The following SPATA16 variants were observed in gnomAD, a reference collection of about 807,000 sequenced individuals.
The protein encoded by SPATA16 is spermatogenesis-associated protein 16.
A neutral mutation model predicts 63.3 loss-of-function variants in SPATA16; 36 were observed. The observed-to-expected ratio is 0.57, with a 90% CI of 0.44 to 0.75. The LOEUF is 0.75. Ranked by LOEUF, SPATA16 falls within the 30% of genes least tolerant of loss-of-function variation. SPATA16 has a pLI of 0.00. For missense variants in SPATA16, 646 were observed against 679.3 expected, an observed-to-expected ratio of 0.95 and a Z score of 0.54; for synonymous variants, 203 against 216.7, an observed-to-expected ratio of 0.94 and a Z score of 0.56.
intron 2 of SPATA16, among the ~76,000 whole-genome samples, chr3:173,070,777 G>T (rs1736655876): frequency 1.3e-5 from 2 of 152,054 alleles, no homozygotes; most frequent in Admixed American, 1.3e-4. Context: ...TTTCTACAAT[G>T]AAAACTATAA....
At chr3:173,093,506 G>A (rs977457547) in intron 2 of SPATA16, among the ~76,000 whole-genome samples, 1 of 152,044 alleles carries the variant, frequency 6.6e-6, no homozygotes, top group South Asian at 2.1e-4. Flanking sequence ...CCAATGCCTG[G>A]CACAGAAGAG....
At chr3:173,096,582 T>C (rs1308603786) in intron 2 of SPATA16, among the ~76,000 whole-genome samples, 1 of 151,960 alleles carries the variant, frequency 6.6e-6, no homozygotes, top group East Asian at 1.9e-4. Context: ...CACTAACCAG[T>C]GTAGAATAAA....
intron 5 of SPATA16, among the ~76,000 whole-genome samples, chr3:172,965,873 G>T (rs1002797189): frequency 2.8e-4 from 43 of 152,258 alleles, no homozygotes; most frequent in African/African-American, 1.0e-3. Context: ...ACTGCGCCCG[G>T]CCTTTTCTTT....
chr3:172,894,214 A>G (rs1435950866), intron 10 of SPATA16, among the ~76,000 whole-genome samples: 1 of 152,188 alleles, frequency 6.6e-6, no homozygotes, highest in Non-Finnish European at 1.5e-5. Flanking sequence ...TTATCATCCA[A>G]AATGGTTTGA....
At chr3:172,931,689 A>G (rs974524201) in intron 6 of SPATA16, among the ~76,000 whole-genome samples, 1 of 152,264 alleles carries the variant, frequency 6.6e-6, no homozygotes, top group Non-Finnish European at 1.5e-5. Flanking sequence ...CAAAACTAAT[A>G]AAATATCTAG....
intron 2 of SPATA16, among the ~76,000 whole-genome samples, chr3:173,072,930 A>T (rs1014246072): frequency 6.6e-6 from 1 of 152,222 alleles, no homozygotes; most frequent in East Asian, 1.9e-4. Flanking sequence ...CAAAATGCTG[A>T]TAATGTTATG....
At chr3:173,120,488 G>T (rs538259982) in intron 1 of SPATA16, among the ~76,000 whole-genome samples, 2 of 152,022 alleles carry the variant, frequency 1.3e-5, no homozygotes, top group African/African-American at 2.4e-5. Flanking sequence ...TACCTCCCAG[G>T]TATCTTATCT....
intron 10 of SPATA16, among the ~76,000 whole-genome samples, chr3:172,908,356 G>A (rs1408025495): frequency 6.6e-6 from 1 of 152,010 alleles, no homozygotes; most frequent in Non-Finnish European, 1.5e-5. Context: ...TATTTGCATA[G>A]CTAAACCTAC....
intron 1 of SPATA16, 99 bp from the exon 2 acceptor site, chr3:173,117,848 A>G (rs958529280): frequency 4.1e-5 from 64 of 1,566,948 alleles, no homozygotes; most frequent in Non-Finnish European, 5.1e-5. Flanking sequence ...TTCATTCATT[A>G]TTAGTATTTG....
Position 172,947,421 on chromosome 3 carries a change from G to A in SPATA16, c.1081+9256C>T, listed in dbSNP as rs184196340. Among the ~76,000 whole-genome samples the A allele has an allele frequency of 3.0e-4, 39 of 129,412 alleles. 1 individual carries two copies. Among genetic ancestry groups the A allele is most frequent in the Admixed American group, 1.2e-3 (17 of 14,368 alleles). The allele number at this position is 129,412 out of a possible 152,430, so 84.9% of individuals were successfully genotyped here. The stretch of plus-strand genomic sequence containing the variant: ...GGAACCCACCTTGGATTTCCTTTAC[G>A]TAATGTATGCTCTGAGTACATGTGG... On this transcript the variant is annotated intron_variant, in intron 6 of 10. Transcript: ENST00000351008.
intron 2 of SPATA16, among the ~76,000 whole-genome samples, chr3:173,078,669 C>A (rs765087800): frequency 1.3e-5 from 2 of 152,168 alleles, no homozygotes; most frequent in Non-Finnish European, 2.9e-5. Context: ...GACTTCCCAA[C>A]CGTCACATTT....
chr3:173,064,756 AT>A (rs1736475559), intron 2 of SPATA16, among the ~76,000 whole-genome samples: 1 of 152,224 alleles, frequency 6.6e-6, no homozygotes, highest in Non-Finnish European at 1.5e-5. Context: ...TTTCAGATCC[AT>A]TAACATCCCA....
intron 3 of SPATA16, among the ~76,000 whole-genome samples, chr3:173,045,880 A>G (rs1188824836): frequency 1.3e-5 from 2 of 152,108 alleles, no homozygotes; most frequent in Admixed American, 6.6e-5. Flanking sequence ...TTTAAAATGA[A>G]TGAATGAATG....
At chr3:173,099,515 G>A (rs962627103) in intron 2 of SPATA16, among the ~76,000 whole-genome samples, 4 of 152,054 alleles carry the variant, frequency 2.6e-5, no homozygotes, top group African/African-American at 7.2e-5. Context: ...GTAGACTACC[G>A]TACTATTATA....
At chr3:172,991,560 T>C (rs974326542) in intron 4 of SPATA16, among the ~76,000 whole-genome samples, 3 of 152,218 alleles carry the variant, frequency 2.0e-5, no homozygotes, top group Non-Finnish European at 4.4e-5. Flanking sequence ...GGCTTTCTTA[T>C]AGAATTTATC....
At chr3:173,073,065 C>A (rs1478085962) in intron 2 of SPATA16, among the ~76,000 whole-genome samples, 1 of 152,154 alleles carries the variant, frequency 6.6e-6, no homozygotes, top group East Asian at 1.9e-4. Flanking sequence ...TTTGCCTCTA[C>A]TCCAGAGATA....
chr3:173,056,705 C>CAAAAAAAAAAAA (rs71162325), intron 2 of SPATA16, among the ~76,000 whole-genome samples: 10 of 73,592 alleles, frequency 1.4e-4, no homozygotes, highest in East Asian at 4.6e-4. Context: ...ACTCTTGTTT[C>CAAAAAAAAAAAA]AAAAAAAAAA....
chr3:172,984,760 C>A (rs995622246), intron 4 of SPATA16, among the ~76,000 whole-genome samples: 9 of 152,134 alleles, frequency 5.9e-5, no homozygotes, highest in Non-Finnish European at 1.3e-4. Flanking sequence ...AGGTTTACTG[C>A]CTTCCTGCTA....
chr3:172,914,354 A>G (rs1170520713), intron 9 of SPATA16, among the ~76,000 whole-genome samples: 1 of 152,174 alleles, frequency 6.6e-6, no homozygotes, highest in Non-Finnish European at 1.5e-5. Context: ...TATCCTGTAC[A>G]CATGGTGTGT....
Sources: gnomAD v4.1 joint callset for allele counts (sites outside exome capture counted in the v4.1 genomes callset) on GRCh38, gnomAD v4.1.1 for gene constraint, MANE v1.5 for transcripts, NCBI Gene and HGNC (gene_info 2026-07-23, HGNC 2026-07-21) for gene names.